The following ADAT2 variants were observed in gnomAD, a reference collection of about 807,000 sequenced individuals.
The protein encoded by ADAT2 is tRNA-specific adenosine-34 deaminase catalytic subunit ADAT2.
In ADAT2, 26 loss-of-function variants were observed where a neutral mutation model predicts 25.9. That is an observed-to-expected ratio of 1.00 (90% CI 0.74 to 1.39). ADAT2 has a LOEUF of 1.39. Ranked by LOEUF, ADAT2 falls within the 40% of genes most tolerant of loss-of-function variation. The pLI is 0.00. For missense variants in ADAT2, 220 were observed against 244.8 expected (o/e 0.90, Z 0.68); for synonymous variants, 76 against 86.8 (o/e 0.88, Z 0.69).
intron 1 of ADAT2, among the ~76,000 whole-genome samples, chr6:143,439,264 A>G (rs1230425457): frequency 6.6e-6 from 1 of 150,740 alleles, no homozygotes; most frequent in Non-Finnish European, 1.5e-5. Flanking sequence ...ACGTTTTGGA[A>G]ATTTCTTTAA....
chr6:143,436,475 T>G lies in ADAT2; in HGVS notation c.201+2115A>C, dbSNP rs1671799971. The G allele has an allele frequency of 3.6e-6, 1 of 277,054 alleles. No individual in the cohort carries two copies. Among genetic ancestry groups the G allele is most frequent in the Admixed American group, 3.4e-5 (1 of 29,360 alleles). The allele number at this position is 277,054 out of a possible 1,614,324, so 17.2% of individuals were successfully genotyped here. On this transcript the variant is annotated intron_variant, in intron 2 of 5. Transcript: ENST00000237283. This position sits in a 1 kb window ranked among gnomAD's most constrained non-coding sequence, Gnocchi z 4.1. The stretch of plus-strand genomic sequence containing the variant: ...GGACTAAAAACGTCCACCACTTTCA[T>G]CAGTAACAACACGGCCATCCAGGAG...
intron 1 of ADAT2, among the ~76,000 whole-genome samples, chr6:143,449,524 T>C (rs1424238350): frequency 6.6e-6 from 1 of 152,170 alleles, no homozygotes; most frequent in Non-Finnish European, 1.5e-5. Flanking sequence ...GGTTTTAGCA[T>C]ATACAAGTTT....
Position 143,427,135 on chromosome 6 carries a change from A to ACAC in ADAT2, c.*1327_*1328insGTG, listed in dbSNP as rs398002971. 3 of 151,600 alleles carry ACAC rather than the reference A, an allele frequency of 2.0e-5. No homozygotes were observed. Among genetic ancestry groups the ACAC allele is most frequent in the Non-Finnish European group, 2.9e-5 (2 of 67,930 alleles). The allele number at this position is 151,600 out of a possible 1,614,324, so 9.4% of individuals were successfully genotyped here. On this transcript the variant is annotated 3_prime_UTR_variant, in exon 6 of 6. Coordinates refer to ENST00000237283, the MANE Select transcript of ADAT2 (RefSeq NM_182503.3). ...CACACACACACACACACACACACAC[A>ACAC]AAACCAAGCAATTATAAGTCCTCTG...
intron 2 of ADAT2, among the ~76,000 whole-genome samples, chr6:143,435,154 G>GT (rs200330012): frequency 3.5e-4 from 27 of 76,222 alleles, no homozygotes; most frequent in Non-Finnish European, 5.9e-4. Context: ...TAAGTGGAGA[G>GT]TTTAAAAAAA....
rs1207173782 is a variant in ADAT2 at position 143,437,037 on chromosome 6, C to T, written c.201+1553G>A. ...CTTTTTTCTTTCTAATTCTACACTT[C>T]GATCTACTATTTTTCATAAGCAAAT... On this transcript the variant is annotated intron_variant, in intron 2 of 5. Coordinates refer to ENST00000237283, the MANE Select transcript of ADAT2 (RefSeq NM_182503.3). This position sits in a 1 kb window ranked among gnomAD's most constrained non-coding sequence, Gnocchi z 4.1. Among the ~76,000 whole-genome samples, 4 of 151,604 alleles carry T rather than the reference C, an allele frequency of 2.6e-5. No homozygotes were observed. Among genetic ancestry groups the T allele is most frequent in the Admixed American group, 2.0e-4 (3 of 15,174 alleles).
intron 1 of ADAT2, 47 bp from the exon 2 acceptor site, chr6:143,438,741 A>C: frequency 6.8e-7 from 1 of 1,473,820 alleles, no homozygotes; most frequent in Non-Finnish European, 9.5e-7. Flanking sequence ...CCATACTTGA[A>C]GAGAGTATAG....
intron 1 of ADAT2, 71 bp from the exon 2 acceptor site, chr6:143,438,765 G>T: frequency 7.9e-7 from 1 of 1,270,788 alleles, no homozygotes; most frequent in Non-Finnish European, 1.1e-6. Flanking sequence ...AGAAAGAGAT[G>T]CAGCATGAAC....
In ADAT2 at chr6:143,428,322, CAGAGCAAATGATG is replaced by C; in HGVS notation, c.*128_*140del. On this transcript the variant is annotated 3_prime_UTR_variant, in exon 6 of 6. Transcript: ENST00000237283. The surrounding 1 kb of genome is among the most constrained non-coding windows in gnomAD (Gnocchi z 5.0). The stretch of plus-strand genomic sequence containing the variant: ...AAAAAGTGCTAATTTGTTCCCTTAA[CAGAGCAAATGATG>C]AGAGACACCATTTTCCTGCAGATTA... 1 of 907,136 alleles carries C rather than the reference CAGAGCAAATGATG, an allele frequency of 1.1e-6. No individual in the cohort carries two copies. Among genetic ancestry groups the C allele is most frequent in the Non-Finnish European group, 1.7e-6 (1 of 601,304 alleles). The allele number at this position is 907,136 out of a possible 1,614,324, so 56.2% of individuals were successfully genotyped here.
At chr6:143,429,172 T>C (rs1418266443) in intron 4 of ADAT2, among the ~76,000 whole-genome samples, 2 of 152,248 alleles carry the variant, frequency 1.3e-5, no homozygotes, top group Non-Finnish European at 2.9e-5. Flanking sequence ...TGGCAAATTA[T>C]ACTTGGTGGA....
At position 143,427,126 on chromosome 6, in the gene ADAT2, C is replaced by CACACAT. The variant is rs1562634154; in HGVS notation, c.*1336_*1337insATGTGT. The CACACAT allele has an allele frequency of 1.3e-5, 2 of 152,286 alleles. No individual in the cohort carries two copies. Among genetic ancestry groups the CACACAT allele is most frequent in the African/African-American group, 4.9e-5 (2 of 41,228 alleles). 9.4% of individuals were successfully genotyped at this position (152,286 alleles called of 1,614,324 possible). A position where few individuals can be genotyped will look rare whatever the true frequency, so the allele number is the denominator to read the frequency against. On this transcript the variant is annotated 3_prime_UTR_variant, in exon 6 of 6. Coordinates refer to ENST00000237283, the MANE Select transcript of ADAT2 (RefSeq NM_182503.3). ...ACACACACACACACACACACACACA[C>CACACAT]ACACACACAAAACCAAGCAATTATA...
rs886317424 is a variant in ADAT2, at chr6:143,437,852, T to C, written c.201+738A>G. ...GATCTTTGAGTCCACCTAGGAATTT[T>C]TGTAATCATAAAATTTGGTAGTTTA... On this transcript the variant is annotated intron_variant, in intron 2 of 5. Coordinates refer to ENST00000237283, the MANE Select transcript of ADAT2 (RefSeq NM_182503.3). This position sits in a 1 kb window ranked among gnomAD's most constrained non-coding sequence, Gnocchi z 4.1. 6.6e-6 allele frequency among the ~76,000 whole-genome samples: 1 copy of C among 152,220 alleles called. No homozygotes were observed. The highest frequency in any genetic ancestry group is 1.5e-5 in the Non-Finnish European group (1 of 68,024).
intron 1 of ADAT2, chr6:143,441,865 C>T (rs1779467251): frequency 6.6e-6 from 1 of 152,158 alleles, no homozygotes; most frequent in African/African-American, 2.4e-5. Context: ...ACTACACACC[C>T]ATCAGCATGA....
Position 143,450,625 on chromosome 6 carries a change from T to C in ADAT2, c.34A>G (p.Ser12Gly), listed in dbSNP as rs758426803. The C allele has an allele frequency of 1.9e-6, 3 of 1,614,020 alleles. No individual in the cohort carries two copies. The highest frequency in any genetic ancestry group is 2.2e-5 in the South Asian group (2 of 91,082). ...TCTGCCGACACCGAGCACGCGCCGC[T>C]TGCAGCTGGCTTGGGTGCCGCCTTC... ...EAKAAPKPAA[S>G]GACSVSAEET... Residue 12 changes from serine (S) to glycine (G), a missense_variant, in exon 1 of 6, where the codon AGC becomes GGC. Transcript: ENST00000237283.
At chr6:143,439,263 A>C (rs572057401) in intron 1 of ADAT2, among the ~76,000 whole-genome samples, 3 of 150,612 alleles carry the variant, frequency 2.0e-5, no homozygotes, top group Non-Finnish European at 4.4e-5. Flanking sequence ...AACGTTTTGG[A>C]AATTTCTTTA....
At chr6:143,445,476 T>C (rs903518700) in intron 1 of ADAT2, among the ~76,000 whole-genome samples, 5 of 152,176 alleles carry the variant, frequency 3.3e-5, no homozygotes, top group African/African-American at 1.2e-4. Context: ...CTTGATTTCT[T>C]TGGACATGAC....
rs1369508548 is a variant in ADAT2 at position 143,436,491 on chromosome 6, C to CT, written c.201+2098_201+2099insA. ...CCACTTTCATCAGTAACAACACGGC[C>CT]ATCCAGGAGCTGCTCAGAGACGTCT... is the stretch of plus-strand genomic sequence containing the variant. On this transcript the variant is annotated intron_variant, in intron 2 of 5. Transcript: ENST00000237283. The surrounding 1 kb of genome is among the most constrained non-coding windows in gnomAD (Gnocchi z 4.1). 2.4e-5 allele frequency: 7 copies of CT among 292,580 alleles called. No individual in the cohort carries two copies. Among genetic ancestry groups the CT allele is most frequent in the Non-Finnish European group, 4.2e-5 (6 of 143,994 alleles). 18.1% of individuals were successfully genotyped at this position (292,580 alleles called of 1,614,324 possible). A position where few individuals can be genotyped will look rare whatever the true frequency, so the allele number is the denominator to read the frequency against.
intron 1 of ADAT2, among the ~76,000 whole-genome samples, chr6:143,449,589 G>A (rs967989037): frequency 3.9e-5 from 6 of 152,086 alleles, no homozygotes; most frequent in Admixed American, 3.9e-4. Flanking sequence ...ATGTCACTGG[G>A]CAACAGGAAC....
chr6:143,429,897 C>T (rs1779056190), intron 4 of ADAT2, among the ~76,000 whole-genome samples: 1 of 152,170 alleles, frequency 6.6e-6, no homozygotes, highest in Non-Finnish European at 1.5e-5. Context: ...AACAAATAAC[C>T]TTCCATCCAC....
At chr6:143,438,766 C>A in intron 1 of ADAT2, 72 bp from the exon 2 acceptor site, 3 of 1,240,628 alleles carry the variant, frequency 2.4e-6, no homozygotes, top group Non-Finnish European at 3.5e-6. Context: ...GAAAGAGATG[C>A]AGCATGAACA....
Sources: gnomAD v4.1 joint callset for allele counts (sites outside exome capture counted in the v4.1 genomes callset) on GRCh38, gnomAD v4.1.1 for gene constraint, Gnocchi (gnomAD v3.1) non-coding constraint, MANE v1.5 for transcripts, NCBI Gene and HGNC (gene_info 2026-07-23, HGNC 2026-07-21) for gene names.